VPS13B: variants seen among roughly 807,000 people sequenced by gnomAD.
VPS13B encodes vacuolar protein sorting 13 homolog B.
VPS13B carries 285 observed loss-of-function variants against 426.4 expected under a neutral mutation model. The ratio of observed to expected loss-of-function variants is 0.67; its 90% CI spans 0.61 to 0.74. The LOEUF (loss-of-function observed/expected upper bound fraction) is 0.74, where lower values mean the gene tolerates loss of function less well. Among genes scored for constraint, VPS13B ranks in the 30% least tolerant of loss-of-function variants. VPS13B has a pLI of 0.00. For synonymous variants in VPS13B, 1,676 were observed against 1,676.4 expected (o/e 1.00, Z 0.01); for missense variants, 4,537 against 4,782.6 (o/e 0.95, Z 1.51).
intron 24 of VPS13B, 69 bp from the exon 25 acceptor site, chr8:99,481,530 T>C (rs1391240554): frequency 4.0e-6 from 6 of 1,486,798 alleles, no homozygotes; most frequent in Non-Finnish European, 5.6e-6. Flanking sequence ...TTTCTCATAT[T>C]ATTATTTTAG....
At chr8:99,283,789 C>T (rs1176781253) in intron 19 of VPS13B, among the ~76,000 whole-genome samples, 3 of 152,126 alleles carry the variant, frequency 2.0e-5, no homozygotes, top group African/African-American at 4.8e-5. Context: ...GATTTCTTTA[C>T]CATACGAACT....
intron 12 of VPS13B, among the ~76,000 whole-genome samples, chr8:99,139,451 T>G (rs1810271060): frequency 6.6e-6 from 1 of 150,576 alleles, no homozygotes; most frequent in South Asian, 2.1e-4. Context: ...TTTTTTTTTT[T>G]GTTTGAGACC....
chr8:99,190,861 A>T (rs1212419438), intron 16 of VPS13B, among the ~76,000 whole-genome samples: 1 of 151,808 alleles, frequency 6.6e-6, no homozygotes, highest in Non-Finnish European at 1.5e-5. Context: ...TCACCCATAT[A>T]TTTACCATTC....
At chr8:99,823,412 A>G (rs1404809926) in intron 50 of VPS13B, among the ~76,000 whole-genome samples, 1 of 152,178 alleles carries the variant, frequency 6.6e-6, no homozygotes, top group Non-Finnish European at 1.5e-5. Context: ...TTGGTTCATC[A>G]TAGGCATTAG....
In VPS13B at chr8:99,135,744, A is replaced by G. The variant is rs1368869684; in HGVS notation, c.1563+11A>G. The G allele has an allele frequency of 1.2e-6, 2 of 1,612,816 alleles. No homozygotes were observed. The highest frequency in any genetic ancestry group is 1.7e-6 in the Non-Finnish European group (2 of 1,179,204). On this transcript the variant is annotated intron_variant, in intron 11 of 61. Coordinates refer to ENST00000357162, the MANE Select transcript of VPS13B (RefSeq NM_152564.5). ...TCAACTCATCATAAGGTTAGAGAAT[A>G]TATATTTGAACCAAATTCTAGGCTG...
rs530260463 is a variant in VPS13B at position 99,539,358 on chromosome 8, G to A, written c.4746-17092G>A. On this transcript the variant is annotated intron_variant, in intron 30 of 61. Transcript: ENST00000357162. ...AGAATGATGTATGATTATAATTTTT[G>A]TATTTTATATTGTATTTTAATGTAA... Among the ~76,000 whole-genome samples the A allele has an allele frequency of 8.5e-5, 13 of 152,174 alleles. No individual in the cohort carries two copies. The South Asian group carries it at 1.0e-3, about 12-fold the overall frequency.
intron 8 of VPS13B, among the ~76,000 whole-genome samples, chr8:99,133,608 A>G (rs1809918196): frequency 6.6e-6 from 1 of 152,188 alleles, no homozygotes; most frequent in Non-Finnish European, 1.5e-5. Flanking sequence ...AGTGAGAGAC[A>G]GGGACTCTTC....
intron 34 of VPS13B, 30 bp downstream of exon 34, chr8:99,642,528 A>G: frequency 1.9e-6 from 3 of 1,557,016 alleles, no homozygotes; most frequent in Non-Finnish European, 2.6e-6. Context: ...CTGGAGTGCT[A>G]ATAATTACTA....
intron 35 of VPS13B, among the ~76,000 whole-genome samples, chr8:99,690,999 T>C (rs1001536078): frequency 2.0e-5 from 3 of 152,222 alleles, no homozygotes; most frequent in African/African-American, 7.2e-5. Flanking sequence ...GAATGTGATA[T>C]ATGCTTATGT....
chr8:99,431,416 A>T, intron 21 of VPS13B, 121 bp from the exon 22 acceptor site: 1 of 1,254,776 alleles, frequency 8.0e-7, no homozygotes, highest in Non-Finnish European at 1.1e-6. Context: ...GACAATTCAT[A>T]ATCTCATATA....
At chr8:99,258,219 A>G (rs888170168) in intron 17 of VPS13B, among the ~76,000 whole-genome samples, 9 of 151,340 alleles carry the variant, frequency 5.9e-5, no homozygotes. Flanking sequence ...AGTTTCATGT[A>G]TTTTCTTTCC....
At chr8:99,727,012 T>A (rs1833379258) in intron 39 of VPS13B, among the ~76,000 whole-genome samples, 1 of 152,238 alleles carries the variant, frequency 6.6e-6, no homozygotes, top group African/African-American at 2.4e-5. Context: ...TGCTGGGTAC[T>A]TTACATACAT....
Position 99,699,848 on chromosome 8 carries a change from C to T in VPS13B, c.6370C>T (p.Pro2124Ser). Residue 2124 changes from proline to serine, a missense_variant, in exon 36 of 62, where the codon CCC (proline) becomes TCC (serine). Coordinates refer to ENST00000357162, the MANE Select transcript of VPS13B (RefSeq NM_152564.5). The part of the protein sequence containing the change: ...TQIVISMETV[P>S]HTSKPCLLAS... The stretch of plus-strand genomic sequence containing the variant: ...GATTGTGATCTCCATGGAAACTGTA[C>T]CCCATACCAGCAAACCATGCCTGTT... 1.9e-6 allele frequency: 3 copies of T among 1,613,724 alleles called. No homozygotes were observed. Among genetic ancestry groups the T allele is most frequent in the Non-Finnish European group, 2.5e-6 (3 of 1,179,904 alleles).
intron 37 of VPS13B, among the ~76,000 whole-genome samples, chr8:99,719,688 G>C (rs1342314655): frequency 6.6e-6 from 1 of 152,048 alleles, no homozygotes; most frequent in East Asian, 1.9e-4. Context: ...AGTAGTTATA[G>C]ACTAATATTA....
At chr8:99,530,044 A>G (rs529813230) in intron 30 of VPS13B, among the ~76,000 whole-genome samples, 1 of 152,284 alleles carries the variant, frequency 6.6e-6, no homozygotes, top group East Asian at 1.9e-4. Context: ...AATAACAGCT[A>G]ACTTCCAGTT....
intron 36 of VPS13B, among the ~76,000 whole-genome samples, chr8:99,705,655 C>T (rs1215572470): frequency 2.0e-5 from 3 of 152,086 alleles, no homozygotes; most frequent in African/African-American, 7.2e-5. Flanking sequence ...CAGTATTCTA[C>T]ATCTTTTATT....
chr8:99,101,164 C>T (rs1846718173), intron 4 of VPS13B, among the ~76,000 whole-genome samples: 1 of 152,120 alleles, frequency 6.6e-6, no homozygotes, highest in Admixed American at 6.5e-5. Context: ...TGGAGTCTTG[C>T]TCTGTCGCCC....
At chr8:99,193,816 T>C (rs1317410569) in intron 17 of VPS13B, among the ~76,000 whole-genome samples, 1 of 152,180 alleles carries the variant, frequency 6.6e-6, no homozygotes, top group Non-Finnish European at 1.5e-5. Flanking sequence ...GCCTAGCCAT[T>C]AACTAATGTA....
chr8:99,471,813 A>G (rs1563748684), intron 24 of VPS13B, among the ~76,000 whole-genome samples: 1 of 152,138 alleles, frequency 6.6e-6, no homozygotes, highest in Non-Finnish European at 1.5e-5. Flanking sequence ...ACGGAACAGT[A>G]TGGCCCACAA....
Sources: allele counts gnomAD v4.1 joint callset (sites outside exome capture counted in the v4.1 genomes callset), GRCh38; gene constraint gnomAD v4.1.1; transcripts MANE v1.5; gene names NCBI Gene and HGNC (gene_info 2026-07-23, HGNC 2026-07-21).